Variants in OGDH observed in about 807,000 individuals in gnomAD.
OGDH encodes the protein oxoglutarate dehydrogenase.
Under a neutral mutation model 116.6 loss-of-function variants are expected in OGDH, and 38 were observed. That is an observed-to-expected ratio of 0.33 (90% CI 0.25 to 0.43). OGDH has a LOEUF of 0.43. Among genes scored for constraint, OGDH ranks in the 20% least tolerant of loss-of-function variants. OGDH has a pLI of 1.00. For missense variants in OGDH, 825 were observed against 1,357.2 expected (o/e 0.61, Z 6.16); for synonymous variants, 488 against 533.3 (o/e 0.92, Z 1.17).
In OGDH at chr7:44,641,430, T is replaced by C. The variant is rs112922099; in HGVS notation, c.223-3897T>C. On this transcript the variant is annotated intron_variant, in intron 2 of 22. Transcript: ENST00000222673. ...TAGTAGAGACGGGGTTTCACTATGT[T>C]GGCCAGGCTGGTCTCGAACTCCTGA... 2.1e-3 allele frequency among the ~76,000 whole-genome samples: 324 copies of C among 151,884 alleles called. 3 individuals carry two copies. The highest frequency in any genetic ancestry group is 7.5e-3 in the African/African-American group (309 of 41,390).
intron 4 of OGDH, among the ~76,000 whole-genome samples, chr7:44,657,689 C>CT (rs1200096314): frequency 6.6e-6 from 1 of 152,080 alleles, no homozygotes; most frequent in East Asian, 1.9e-4. Flanking sequence ...GGTATGAAGT[C>CT]TAAGAACTCT....
intron 3 of OGDH, among the ~76,000 whole-genome samples, chr7:44,646,111 G>T (rs1381588735): frequency 3.3e-5 from 5 of 152,148 alleles, no homozygotes; most frequent in Non-Finnish European, 7.4e-5. Flanking sequence ...CTTTCCCAGA[G>T]CACAATAACC....
intron 2 of OGDH, among the ~76,000 whole-genome samples, chr7:44,640,218 C>T (rs2115707396): frequency 6.6e-6 from 1 of 152,280 alleles, no homozygotes; most frequent in South Asian, 2.1e-4. Context: ...GGGTAAGAGG[C>T]ACTGTTACTA....
chr7:44,612,663 G>A (rs185834993), intron 1 of OGDH, among the ~76,000 whole-genome samples: 10 of 150,754 alleles, frequency 6.6e-5, no homozygotes, highest in African/African-American at 1.5e-4. Flanking sequence ...GATTACAGGC[G>A]TGAGCCACCA....
intron 4 of OGDH, among the ~76,000 whole-genome samples, chr7:44,663,800 C>T (rs1004197916): frequency 3.3e-5 from 5 of 151,816 alleles, no homozygotes; most frequent in African/African-American, 7.3e-5. Context: ...ACTAGCTGGA[C>T]GTGGTGTTGT....
chr7:44,616,830 T>TATATGC (rs1784814293), intron 1 of OGDH, among the ~76,000 whole-genome samples: 4 of 138,626 alleles, frequency 2.9e-5, no homozygotes, highest in Admixed American at 2.2e-4. Flanking sequence ...TATATGTGTA[T>TATATGC]ATATACACAT....
In OGDH at chr7:44,675,205, C is replaced by T; in HGVS notation, c.963C>T (p.Val321=). The T allele has an allele frequency of 6.2e-7, 1 of 1,614,152 alleles. No individual in the cohort carries two copies. The highest frequency in any genetic ancestry group is 1.1e-5 in the South Asian group (1 of 91,066). Residue 321 remains valine (V), a synonymous_variant, in exon 8 of 23, where the codon GTC becomes GTT. Coordinates refer to ENST00000222673, the MANE Select transcript of OGDH (RefSeq NM_002541.4). ...HRGRLNVLAN[V]IRKELEQIFC... ...GGCGGCTGAACGTGCTTGCAAATGT[C>T]ATCAGGAAGGAGCTGGAACAGATCT...
chr7:44,656,397 TTGAG>T (rs1418204471), intron 4 of OGDH: 13 of 1,528,876 alleles, frequency 8.5e-6, no homozygotes, highest in Middle Eastern at 1.7e-4. Flanking sequence ...CTTTTCAGAG[TTGAG>T]GACTTCATTT....
intron 5 of OGDH, among the ~76,000 whole-genome samples, chr7:44,669,364 C>A (rs1315463886): frequency 6.6e-6 from 1 of 152,010 alleles, no homozygotes; most frequent in Non-Finnish European, 1.5e-5. Flanking sequence ...GTTGCCCAGG[C>A]TGATCTTGAA....
chr7:44,688,673 G>A (rs1301631100), intron 10 of OGDH, among the ~76,000 whole-genome samples: 6 of 151,392 alleles, frequency 4.0e-5, no homozygotes, highest in African/African-American at 4.9e-5. Context: ...CTCATGATCC[G>A]CCAGCCTCGG....
intron 10 of OGDH, among the ~76,000 whole-genome samples, chr7:44,685,471 A>G (rs958989101): frequency 1.1e-4 from 16 of 152,326 alleles, no homozygotes; most frequent in Middle Eastern, 3.4e-3. Flanking sequence ...AGGCTGAATA[A>G]TATTCCACTC....
intron 20 of OGDH, among the ~76,000 whole-genome samples, chr7:44,704,980 G>C (rs1441797951): frequency 5.3e-5 from 8 of 151,702 alleles, no homozygotes. Context: ...CAAAGTGCTG[G>C]GATTACAGGC....
At chr7:44,615,895 G>A (rs1325810187) in intron 1 of OGDH, among the ~76,000 whole-genome samples, 1 of 152,090 alleles carries the variant, frequency 6.6e-6, no homozygotes, top group Non-Finnish European at 1.5e-5. Flanking sequence ...GCATGGTGAT[G>A]TGCGCCTGTA....
intron 2 of OGDH, among the ~76,000 whole-genome samples, chr7:44,643,635 A>C (rs1024261392): frequency 1.3e-5 from 2 of 152,182 alleles, no homozygotes; most frequent in African/African-American, 4.8e-5. Flanking sequence ...TGTCTGAAAA[A>C]AACAGAAGAC....
chr7:44,616,679 A>G (rs1218245844), intron 1 of OGDH, among the ~76,000 whole-genome samples: 1 of 147,972 alleles, frequency 6.8e-6, no homozygotes, highest in Admixed American at 6.8e-5. Flanking sequence ...ACGTATATAT[A>G]CACATATGTA....
Position 44,675,964 on chromosome 7 carries a change from C to T in OGDH, c.1027-6C>T. The T allele has an allele frequency of 6.2e-7, 1 of 1,613,294 alleles. No homozygotes were observed. The highest frequency in any genetic ancestry group is 8.5e-7 in the Non-Finnish European group (1 of 1,179,374). ...CAGGGTGCAAATTCACTGTTTACCC[C>T]ATCAGGGCTCCGGAGATGTGAAGTA... On this transcript the variant is annotated splice_region_variant and splice_polypyrimidine_tract_variant and intron_variant, in intron 8 of 22. Transcript: ENST00000222673.
At chr7:44,613,325 G>A (rs904376024) in intron 1 of OGDH, among the ~76,000 whole-genome samples, 3 of 151,368 alleles carry the variant, frequency 2.0e-5, no homozygotes, top group Non-Finnish European at 4.4e-5. Flanking sequence ...ATAGGCACCC[G>A]CCACCACACC....
intron 10 of OGDH, among the ~76,000 whole-genome samples, chr7:44,682,831 CAACAGAGTGAGACCCT>C: frequency 6.6e-6 from 1 of 151,018 alleles, no homozygotes; most frequent in Middle Eastern, 3.4e-3. Flanking sequence ...CTAGTCTGGG[CAACAGAGTGAGACCCT>C]GTCTTGAAAA....
At chr7:44,610,255 A>G (rs2117204652) in intron 1 of OGDH, among the ~76,000 whole-genome samples, 1 of 151,328 alleles carries the variant, frequency 6.6e-6, no homozygotes, top group East Asian at 1.9e-4. Context: ...TGTAGTTTGC[A>G]GATATTTTCT....
Sources: allele counts gnomAD v4.1 joint callset (sites outside exome capture counted in the v4.1 genomes callset), GRCh38; gene constraint gnomAD v4.1.1; transcripts MANE v1.5; gene names NCBI Gene and HGNC (gene_info 2026-07-23, HGNC 2026-07-21).